AUTS2: variants seen among roughly 807,000 people sequenced by gnomAD.
AUTS2 encodes activator of transcription and developmental regulator AUTS2.
AUTS2 carries 17 observed loss-of-function variants against 112.4 expected under a neutral mutation model. The observed-to-expected ratio is 0.15, with a 90% CI of 0.10 to 0.23. The LOEUF (loss-of-function observed/expected upper bound fraction) is 0.23. Among genes scored for constraint, AUTS2 ranks in the 10% least tolerant of loss-of-function variants. AUTS2 has a pLI of 1.00. For synonymous variants in AUTS2, 751 were observed against 702.7 expected (o/e 1.07, Z -1.09); for missense variants, 1,510 against 1,701.6 (o/e 0.89, Z 1.98).
chr7:70,325,983 G>A (rs1417335696), intron 4 of AUTS2, among the ~76,000 whole-genome samples: 4 of 152,196 alleles, frequency 2.6e-5, no homozygotes, highest in Non-Finnish European at 2.9e-5. Flanking sequence ...CATGTTTTGT[G>A]TTTGATTCAT....
intron 4 of AUTS2, among the ~76,000 whole-genome samples, chr7:70,262,844 T>C (rs1338805057): frequency 6.6e-6 from 1 of 152,198 alleles, no homozygotes; most frequent in Non-Finnish European, 1.5e-5. Context: ...ATATTTATAA[T>C]GAGGACAATT....
At chr7:70,684,587 G>A (rs1808372319) in intron 5 of AUTS2, among the ~76,000 whole-genome samples, 1 of 150,908 alleles carries the variant, frequency 6.6e-6, no homozygotes, top group Non-Finnish European at 1.5e-5. Flanking sequence ...GGTGTGGCGT[G>A]GCATGTTGTG....
intron 5 of AUTS2, among the ~76,000 whole-genome samples, chr7:70,689,081 G>T (rs995628696): frequency 5.9e-5 from 9 of 152,168 alleles, no homozygotes; most frequent in African/African-American, 1.9e-4. Context: ...ATGTGGCTGG[G>T]TGCAGTGGCT....
intron 1 of AUTS2, among the ~76,000 whole-genome samples, chr7:69,760,791 GC>G (rs1788154200): frequency 6.6e-6 from 1 of 152,186 alleles, no homozygotes; most frequent in Non-Finnish European, 1.5e-5. Context: ...CTGCACTCCA[GC>G]CTGGGCAAGA....
intron 4 of AUTS2, among the ~76,000 whole-genome samples, chr7:70,249,135 T>C (rs1813079565): frequency 6.6e-6 from 1 of 152,250 alleles, no homozygotes; most frequent in South Asian, 2.1e-4. Flanking sequence ...TGTTATTTAA[T>C]TGTTGCTTCC....
intron 6 of AUTS2, among the ~76,000 whole-genome samples, chr7:70,718,933 G>A (rs930664675): frequency 9.9e-5 from 15 of 152,058 alleles, no homozygotes; most frequent in Admixed American, 7.9e-4. Context: ...CCTCACCCTG[G>A]ACTGTCCATG....
chr7:69,999,622 G>A (rs183190617), intron 2 of AUTS2, among the ~76,000 whole-genome samples: 1 of 152,166 alleles, frequency 6.6e-6, no homozygotes, highest in African/African-American at 2.4e-5. Context: ...AGCAAGACAT[G>A]TTTCTTGTGG....
chr7:69,695,546 T>C (rs934347864), intron 1 of AUTS2, among the ~76,000 whole-genome samples: 1 of 152,180 alleles, frequency 6.6e-6, no homozygotes, highest in South Asian at 2.1e-4. Flanking sequence ...CACATTCGAC[T>C]AAATATTGTG....
intron 2 of AUTS2, among the ~76,000 whole-genome samples, chr7:70,066,122 A>C (rs1802479750): frequency 6.6e-6 from 1 of 152,224 alleles, no homozygotes; most frequent in East Asian, 1.9e-4. Flanking sequence ...TCAGTTTGAT[A>C]ATTTTGCCAT....
chr7:70,411,904 T>TC (rs1373392102), intron 4 of AUTS2, among the ~76,000 whole-genome samples: 1 of 151,278 alleles, frequency 6.6e-6, no homozygotes, highest in Non-Finnish European at 1.5e-5. Context: ...CTCTTTCCTT[T>TC]TTTTTTTCCT....
intron 1 of AUTS2, among the ~76,000 whole-genome samples, chr7:69,686,828 C>G (rs1292676429): frequency 6.6e-6 from 1 of 152,284 alleles, no homozygotes; most frequent in Non-Finnish European, 1.5e-5. Flanking sequence ...TTGGTCTTAA[C>G]CCACTTAGGT....
intron 2 of AUTS2, among the ~76,000 whole-genome samples, chr7:69,986,989 A>G (rs1282493843): frequency 6.6e-6 from 1 of 152,224 alleles, no homozygotes; most frequent in African/African-American, 2.4e-5. Flanking sequence ...CCTGGAGTTA[A>G]GCTTTGCAGA....
At chr7:70,715,672 C>T (rs998694782) in intron 6 of AUTS2, among the ~76,000 whole-genome samples, 2 of 152,134 alleles carry the variant, frequency 1.3e-5, no homozygotes, top group Non-Finnish European at 2.9e-5. Context: ...GCTGGGATTA[C>T]AGGCGCATGC....
chr7:70,456,299 C>T (rs1348604501), intron 5 of AUTS2, among the ~76,000 whole-genome samples: 1 of 152,222 alleles, frequency 6.6e-6, no homozygotes, highest in Non-Finnish European at 1.5e-5. Flanking sequence ...TTTTACTTTA[C>T]TTAAAGGGAA....
chr7:70,117,127 G>GTTTTTTTTT (rs1491008028), intron 2 of AUTS2, among the ~76,000 whole-genome samples: 1 of 62,774 alleles, frequency 1.6e-5, no homozygotes, highest in Non-Finnish European at 3.2e-5. Context: ...GTTTTTTTTT[G>GTTTTTTTTT]TTTTTTTTTG....
chr7:70,647,887 T>TAAGA (rs1307455307), intron 5 of AUTS2, among the ~76,000 whole-genome samples: 1 of 152,220 alleles, frequency 6.6e-6, no homozygotes, highest in Non-Finnish European at 1.5e-5. Context: ...ATTGTAGATC[T>TAAGA]AAGAAGTCCA....
At chr7:70,647,659 C>T (rs1307021266) in intron 5 of AUTS2, among the ~76,000 whole-genome samples, 1 of 152,210 alleles carries the variant, frequency 6.6e-6, no homozygotes, top group East Asian at 1.9e-4. Flanking sequence ...GGGACTTGCA[C>T]TTTGGTAACC....
chr7:70,781,433 A>G (rs1034136177), intron 14 of AUTS2, 182 bp from the exon 15 acceptor site: 44 of 572,138 alleles, frequency 7.7e-5, no homozygotes, highest in Non-Finnish European at 1.3e-4. Context: ...TGTAACAGGC[A>G]CTACCGGCCT....
intron 4 of AUTS2, among the ~76,000 whole-genome samples, chr7:70,218,444 G>T (rs1293501454): frequency 2.0e-5 from 3 of 152,168 alleles, no homozygotes; most frequent in Non-Finnish European, 4.4e-5. Context: ...CTGGGGCACA[G>T]TAAGATGGCT....
Sources: gnomAD v4.1 joint callset for allele counts (sites outside exome capture counted in the v4.1 genomes callset) on GRCh38, gnomAD v4.1.1 for gene constraint, MANE v1.5 for transcripts, NCBI Gene and HGNC (gene_info 2026-07-23, HGNC 2026-07-21) for gene names.